GNAO1: variants seen among roughly 807,000 people sequenced by gnomAD.
The protein encoded by GNAO1 is G protein subunit alpha o1.
For missense variants in GNAO1, 166 were observed against 478.7 expected, an observed-to-expected ratio of 0.35 and a Z score of 6.10; for synonymous variants, 164 against 180.7, an observed-to-expected ratio of 0.91 and a Z score of 0.74.
intron 3 of GNAO1, among the ~76,000 whole-genome samples, chr16:56,296,584 C>A (rs2037290134): frequency 1.3e-5 from 2 of 152,092 alleles, no homozygotes; most frequent in African/African-American, 2.4e-5. Flanking sequence ...AGATGCTGAG[C>A]CTGAGGATCA....
At chr16:56,288,719 G>C (rs576013870) in intron 3 of GNAO1, among the ~76,000 whole-genome samples, 2 of 152,288 alleles carry the variant, frequency 1.3e-5, no homozygotes, top group African/African-American at 4.8e-5. Context: ...GAGTCCCCTG[G>C]AACTCAGCAG....
At position 56,191,999 on chromosome 16, in the gene GNAO1, G is replaced by C. The variant is rs1279951047; in HGVS notation, c.-237G>C. ...GGAGCCCCAGACCCCGGCCACCCTC[G>C]ATTCGACAACCCCAGACCCCTGCCA... is the stretch of plus-strand genomic sequence containing the variant. On this transcript the variant is annotated 5_prime_UTR_variant, in exon 1 of 9. Coordinates refer to ENST00000262493, the MANE Select transcript of GNAO1 (RefSeq NM_020988.3). The surrounding 1 kb of genome is among the most constrained non-coding windows in gnomAD (Gnocchi z 4.7). 4.1e-6 allele frequency: 2 copies of C among 488,580 alleles called. No individual in the cohort carries two copies. Among genetic ancestry groups the C allele is most frequent in the Middle Eastern group, 5.4e-4 (1 of 1,840 alleles). The allele number at this position is 488,580 out of a possible 1,614,324, so 30.3% of individuals were successfully genotyped here.
chr16:56,311,346 G>A lies in GNAO1; in HGVS notation c.304-17285G>A, dbSNP rs2037456551. On this transcript the variant is annotated intron_variant, in intron 3 of 8. Coordinates refer to ENST00000262493, the MANE Select transcript of GNAO1 (RefSeq NM_020988.3). The surrounding 1 kb of genome is among the most constrained non-coding windows in gnomAD (Gnocchi z 5.2). ...AGCTGGTTCCCCCTGCCCCCACTGGGTTAGGAGCTGCAGTGCCAACCTCTC... is the reference window on the plus strand; with the variant it reads ...AGCTGGTTCCCCCTGCCCCCACTGGATTAGGAGCTGCAGTGCCAACCTCTC... 6.6e-6 allele frequency among the ~76,000 whole-genome samples: 1 copy of A among 152,062 alleles called. No individual in the cohort carries two copies. Among genetic ancestry groups the A allele is most frequent in the Non-Finnish European group, 1.5e-5 (1 of 67,982 alleles).
At chr16:56,244,842 G>A (rs1211123421) in intron 2 of GNAO1, among the ~76,000 whole-genome samples, 7 of 152,110 alleles carry the variant, frequency 4.6e-5, no homozygotes, top group Non-Finnish European at 7.4e-5. Context: ...GTCCACCACC[G>A]CTTCTGCTCT....
chr16:56,207,888 A>G (rs919443046), intron 2 of GNAO1, among the ~76,000 whole-genome samples: 1 of 152,208 alleles, frequency 6.6e-6, no homozygotes, highest in African/African-American at 2.4e-5. Flanking sequence ...GAAAGCAAGC[A>G]CTCAGGTAAC....
chr16:56,263,298 G>T (rs1334379083), intron 2 of GNAO1, among the ~76,000 whole-genome samples: 1 of 152,212 alleles, frequency 6.6e-6, no homozygotes, highest in Admixed American at 6.5e-5. Context: ...TTTAGAGCCA[G>T]AGGTCCCAAG....
chr16:56,259,403 C>T (rs1448184785), intron 2 of GNAO1, among the ~76,000 whole-genome samples: 2 of 151,022 alleles, frequency 1.3e-5, no homozygotes, highest in African/African-American at 2.5e-5. Flanking sequence ...GTGTATTCTA[C>T]CCCTTCTCAC....
intron 5 of GNAO1, 138 bp downstream of exon 5, chr16:56,334,995 T>G: frequency 2.5e-6 from 2 of 813,620 alleles, no homozygotes; most frequent in Non-Finnish European, 3.9e-6. Context: ...AGCTAGATAC[T>G]AGAAGGAACC....
At chr16:56,274,853 C>T (rs2037048006) in intron 2 of GNAO1, among the ~76,000 whole-genome samples, 1 of 152,136 alleles carries the variant, frequency 6.6e-6, no homozygotes, top group African/African-American at 2.4e-5. Flanking sequence ...GATTGACCAA[C>T]CTTGTGAATA....
At chr16:56,336,710 C>T (rs751882855) in intron 5 of GNAO1, 21 bp from the exon 6 acceptor site, 22 of 1,599,546 alleles carry the variant, frequency 1.4e-5, no homozygotes, top group Non-Finnish European at 1.9e-5. Context: ...CCTGCGCCTA[C>T]CAGCTCCCTG....
At chr16:56,229,327 C>T (rs1596809554) in intron 2 of GNAO1, among the ~76,000 whole-genome samples, 1 of 152,188 alleles carries the variant, frequency 6.6e-6, no homozygotes, top group African/African-American at 2.4e-5. Context: ...GCCTCAGCCT[C>T]CTGAGTAGCT....
intron 6 of GNAO1, chr16:56,343,847 C>T (rs2037833621): frequency 6.2e-7 from 1 of 1,613,618 alleles, no homozygotes; most frequent in African/African-American, 1.3e-5. Context: ...GAGATCTACA[C>T]CCACGTCACC....
At chr16:56,192,462 C>A in intron 1 of GNAO1, 109 bp downstream of exon 1, 1 of 756,730 alleles carries the variant, frequency 1.3e-6, no homozygotes, top group Non-Finnish European at 2.2e-6. Flanking sequence ...CCCAAGTTGG[C>A]ACCACCATGT....
intron 2 of GNAO1, among the ~76,000 whole-genome samples, chr16:56,255,305 ATTTGTTG>A (rs1181677268): frequency 6.6e-6 from 1 of 152,096 alleles, no homozygotes; most frequent in East Asian, 1.9e-4. Context: ...GTTCTGCCAC[ATTTGTTG>A]TTTGTTGCTT....
intron 6 of GNAO1, chr16:56,345,810 C>A: frequency 1.0e-6 from 1 of 985,592 alleles, no homozygotes; most frequent in Non-Finnish European, 1.2e-6. Flanking sequence ...GCCAGTTGTT[C>A]CGCTTACTCT....
At position 56,351,741 on chromosome 16, in the gene GNAO1, G is replaced by A. The variant is rs1236236040; in HGVS notation, c.877+204G>A. 1.8e-6 allele frequency: 1 copy of A among 569,762 alleles called. No homozygotes were observed. Among genetic ancestry groups the A allele is most frequent in the African/African-American group, 1.9e-5 (1 of 53,208 alleles). The allele number at this position is 569,762 out of a possible 1,614,324, so 35.3% of individuals were successfully genotyped here. On this transcript the variant is annotated intron_variant, in intron 7 of 8. Transcript: ENST00000262493. The surrounding 1 kb of genome is among the most constrained non-coding windows in gnomAD (Gnocchi z 6.1). ...ACACAGCCCTCAGCGTGGTGGAAAT[G>A]GCCCCTCCTAAGATATATGTGTTAG...
At chr16:56,325,134 A>C (rs2037618643) in intron 3 of GNAO1, among the ~76,000 whole-genome samples, 1 of 152,188 alleles carries the variant, frequency 6.6e-6, no homozygotes, top group African/African-American at 2.4e-5. Flanking sequence ...CGGCCTAATC[A>C]GAGGGTTGGG....
At chr16:56,254,747 C>T (rs1490847233) in intron 2 of GNAO1, among the ~76,000 whole-genome samples, 1 of 152,062 alleles carries the variant, frequency 6.6e-6, no homozygotes, top group East Asian at 1.9e-4. Context: ...GTTTCCCTTG[C>T]TTGTGCTGGT....
intron 3 of GNAO1, among the ~76,000 whole-genome samples, chr16:56,284,255 G>C (rs1238054883): frequency 6.6e-6 from 1 of 152,188 alleles, no homozygotes; most frequent in Non-Finnish European, 1.5e-5. Context: ...TAAACGCCTT[G>C]GTTTCCAGGG....
Sources: allele counts gnomAD v4.1 joint callset (sites outside exome capture counted in the v4.1 genomes callset), GRCh38; gene constraint gnomAD v4.1.1; non-coding constraint Gnocchi (gnomAD v3.1); transcripts MANE v1.5; gene names NCBI Gene and HGNC (gene_info 2026-07-23, HGNC 2026-07-21).